Variants in INTS11 observed in about 807,000 individuals in gnomAD.
The protein encoded by INTS11 is integrator complex subunit 11.
In INTS11, 77 loss-of-function variants were observed where a neutral mutation model predicts 78.6. That is an observed-to-expected ratio of 0.98 (90% confidence interval 0.81 to 1.18). The LOEUF (loss-of-function observed/expected upper bound fraction) is 1.18, where lower values mean the gene tolerates loss of function less well. Among genes scored for constraint, INTS11 ranks in the 50% most tolerant of loss-of-function variants. The probability of loss-of-function intolerance (pLI) is 0.00; values close to 1 mark genes in which losing one functional copy is unlikely to be tolerated. For missense variants in INTS11, 875 were observed against 825.9 expected, an observed-to-expected ratio of 1.06 and a Z score of -0.73; for synonymous variants, 441 against 326.9, an observed-to-expected ratio of 1.35 and a Z score of -3.77.
rs766829641 is a variant in INTS11 at position 1,314,911 on chromosome 1, C to G, written c.615G>C (p.Thr205=). Reference sequence around the variant, plus strand: ...TGGAGTCACGGATGGTCGTGGCGTACGTGGACTCTGTGATGAGCAGGTTGG... The same window carrying G: ...TGGAGTCACGGATGGTCGTGGCGTAGGTGGACTCTGTGATGAGCAGGTTGG... The part of the protein sequence containing the change: ...CRPNLLITES[T]YATTIRDSKR... The change falls in exon 7 of 17, where the codon ACG becomes ACC. Residue 205 remains threonine, a synonymous_variant. Coordinates refer to ENST00000435064, the MANE Select transcript of INTS11 (RefSeq NM_017871.6). The surrounding 1 kb of genome is among the most constrained non-coding windows in gnomAD (Gnocchi z 4.2). 10 of 1,612,984 alleles carry G rather than the reference C, an allele frequency of 6.2e-6. No homozygotes were observed. The East Asian group carries it at 2.0e-4, about 32-fold the overall frequency.
chr1:1,317,850 T>C (rs1642709544), intron 4 of INTS11: 1 of 152,204 alleles, frequency 6.6e-6, no homozygotes, highest in Non-Finnish European at 1.5e-5. Flanking sequence ...GTAAATCCAT[T>C]TGCAGGCAAA....
chr1:1,324,554 A>T, intron 1 of INTS11, 27 bp downstream of exon 1: 2 of 1,589,276 alleles, frequency 1.3e-6, no homozygotes, highest in Non-Finnish European at 1.7e-6. Context: ...AGCCCACCCC[A>T]CAGCCCTCCC....
At chr1:1,323,964 T>G (rs1218604726) in intron 1 of INTS11, among the ~76,000 whole-genome samples, 3 of 1,614 alleles carry the variant, frequency 1.9e-3, no homozygotes, top group African/African-American at 6.5e-3. Context: ...GGGGGTCTGC[T>G]GGGCTGAGGG....
chr1:1,314,005 C>G lies in INTS11; in HGVS notation c.768-84G>C. On this transcript the variant is annotated intron_variant, in intron 8 of 16. Transcript: ENST00000435064. This position sits in a 1 kb window ranked among gnomAD's most constrained non-coding sequence, Gnocchi z 4.2. ...ACTCGGCCGGGTCACCCCCAACACC[C>G]GTGTCTGCACAGCCCACGCACGGGC... 2 of 1,389,332 alleles carry G rather than the reference C, an allele frequency of 1.4e-6. No individual in the cohort carries two copies. The allele number at this position is 1,389,332 out of a possible 1,614,324, so 86.1% of individuals were successfully genotyped here.
intron 10 of INTS11, 149 bp downstream of exon 10, chr1:1,313,360 G>C (rs1390946886): frequency 1.0e-6 from 1 of 954,898 alleles, no homozygotes; most frequent in South Asian, 1.5e-5. Flanking sequence ...AGCAGCTCCA[G>C]GCGGACATCG....
intron 1 of INTS11, chr1:1,321,926 C>T (rs997549280): frequency 7.6e-6 from 10 of 1,311,424 alleles, no homozygotes; most frequent in Middle Eastern, 2.0e-4. Flanking sequence ...GCCAGCCACT[C>T]GAAGTGTCCA....
Position 1,313,816 on chromosome 1 carries a change from G to T in INTS11, c.873C>A (p.Arg291=), listed in dbSNP as rs772387554. ...LFIPWTNQKI[R]KTFVQRNMFE... is the part of the protein sequence containing the mutation. ...ACATGTTCCTCTGCACGAAAGTCTTGCGGATCTTCTGGTTGGTCCAGGGGA... is the reference window on the plus strand; with the variant it reads ...ACATGTTCCTCTGCACGAAAGTCTTTCGGATCTTCTGGTTGGTCCAGGGGA... Residue 291 remains arginine (R), a synonymous_variant, in exon 9 of 17, where the codon CGC becomes CGA. Coordinates refer to ENST00000435064, the MANE Select transcript of INTS11 (RefSeq NM_017871.6). 37 of 1,613,410 alleles carry T rather than the reference G, an allele frequency of 2.3e-5. No homozygotes were observed. The highest frequency in any genetic ancestry group is 2.9e-5 in the Non-Finnish European group (34 of 1,179,986).
intron 4 of INTS11, chr1:1,317,418 GAATT>G (rs1642684425): frequency 3.9e-6 from 3 of 774,508 alleles, no homozygotes; most frequent in Non-Finnish European, 4.7e-6. Flanking sequence ...AAAAAAAAAA[GAATT>G]CAACAGATGA....
In INTS11 at chr1:1,311,841, C is replaced by G. The variant is rs1557626895; in HGVS notation, c.*18G>C. 3.9e-6 allele frequency: 6 copies of G among 1,539,436 alleles called. No homozygotes were observed. Among genetic ancestry groups the G allele is most frequent in the Non-Finnish European group, 5.2e-6 (6 of 1,142,940 alleles). On this transcript the variant is annotated 3_prime_UTR_variant, in exon 17 of 17. Transcript: ENST00000435064. ...AGCTGGGAGAGGGCAGAGGTGGCGG[C>G]TGGGTGAGTTGCCGGCCTCAGCTGG... is the stretch of plus-strand genomic sequence containing the variant.
rs1642453305 is a variant in INTS11, at chr1:1,314,516, C to CAGAGACAGAAGGGAGCCGTATG, written c.703-173_703-152dup. The CAGAGACAGAAGGGAGCCGTATG allele has an allele frequency of 4.2e-6, 3 of 708,570 alleles. No individual in the cohort carries two copies. Among genetic ancestry groups the CAGAGACAGAAGGGAGCCGTATG allele is most frequent in the African/African-American group, 3.6e-5 (2 of 55,636 alleles). The allele number at this position is 708,570 out of a possible 1,614,324, so 43.9% of individuals were successfully genotyped here. ...TCCCAGTCCCGTCCCAGCCGCTCTCCAGAGACAGAAGGGAGCCGTATGAGA... is the reference window on the plus strand; with the variant it reads ...TCCCAGTCCCGTCCCAGCCGCTCTCCAGAGACAGAAGGGAGCCGTATGAGAGACAGAAGGGAGCCGTATGAGA... On this transcript the variant is annotated intron_variant, in intron 7 of 16. Transcript: ENST00000435064. The surrounding 1 kb of genome is among the most constrained non-coding windows in gnomAD (Gnocchi z 4.2).
Position 1,314,843 on chromosome 1 carries a change from G to T in INTS11, c.683C>A (p.Thr228Asn), listed in dbSNP as rs150689780. 6.2e-7 allele frequency: 1 copy of T among 1,612,412 alleles called. No individual in the cohort carries two copies. The highest frequency in any genetic ancestry group is 8.5e-7 in the Non-Finnish European group (1 of 1,179,618). ...ERDFLKKVHETVERGGKVLIP... is the reference protein window; with the variant it reads ...ERDFLKKVHENVERGGKVLIP... The stretch of plus-strand genomic sequence containing the variant: ...AGCTACCTTCCCACCACGCTCCACG[G>T]TCTCGTGGACTTTCTTCAGGAAGTC... Residue 228 changes from threonine (T) to asparagine (N), a missense_variant, in exon 7 of 17, where the codon ACC (threonine) becomes AAC (asparagine). Coordinates refer to ENST00000435064, the MANE Select transcript of INTS11 (RefSeq NM_017871.6). The surrounding 1 kb of genome is among the most constrained non-coding windows in gnomAD (Gnocchi z 4.2).
At chr1:1,315,105 G>A (rs916986813) in intron 6 of INTS11, 143 bp from the exon 7 acceptor site, 6 of 1,059,924 alleles carry the variant, frequency 5.7e-6, no homozygotes, top group Non-Finnish European at 8.1e-6. Context: ...GTAAAATGCT[G>A]TGGGCAGCAC....
At chr1:1,320,165 C>T (rs1165779668) in intron 3 of INTS11, 2 of 394,412 alleles carry the variant, frequency 5.1e-6, no homozygotes, top group African/African-American at 2.1e-5. Context: ...GAATCGCCAA[C>T]AAGACAGTGG....
In INTS11 at chr1:1,311,614, T is replaced by C. The variant is rs1334525582; in HGVS notation, c.*245A>G. 1.4e-6 allele frequency: 1 copy of C among 715,396 alleles called. No individual in the cohort carries two copies. The highest frequency in any genetic ancestry group is 1.5e-5 in the South Asian group (1 of 67,024). 44.3% of individuals were successfully genotyped at this position (715,396 alleles called of 1,614,324 possible). On this transcript the variant is annotated 3_prime_UTR_variant, in exon 17 of 17. Coordinates refer to ENST00000435064, the MANE Select transcript of INTS11 (RefSeq NM_017871.6). ...GTACCAAGTAGTCTTTTGTTCAGCT[T>C]TTACTGGAAACTGCTGTCTAGGACC...
In INTS11 at chr1:1,314,049, G is replaced by C; in HGVS notation, c.768-128C>G. The C allele has an allele frequency of 8.2e-6, 8 of 971,276 alleles. No individual in the cohort carries two copies. The highest frequency in any genetic ancestry group is 1.6e-5 in the South Asian group (1 of 64,492). 60.2% of individuals were successfully genotyped at this position (971,276 alleles called of 1,614,324 possible). ...CACGGGCCAGGTTGAGTCCAGTCGCGACCACTTGTCCCATTAAGCCCTGCA... is the reference window on the plus strand; with the variant it reads ...CACGGGCCAGGTTGAGTCCAGTCGCCACCACTTGTCCCATTAAGCCCTGCA... On this transcript the variant is annotated intron_variant, in intron 8 of 16. Coordinates refer to ENST00000435064, the MANE Select transcript of INTS11 (RefSeq NM_017871.6). The surrounding 1 kb of genome is among the most constrained non-coding windows in gnomAD (Gnocchi z 4.2).
At position 1,318,849 on chromosome 1, in the gene INTS11, G is replaced by A. The variant is rs138564987; in HGVS notation, c.429+447C>T. On this transcript the variant is annotated intron_variant, in intron 4 of 16. Transcript: ENST00000435064. ...AGAAATGGAATTTCACCTGTCACTC[G>A]CTGATTTAACCTTCACTTCTTCCCT... The A allele has an allele frequency of 8.2e-4, 507 of 622,046 alleles. 1 individual carries two copies. The highest frequency in any genetic ancestry group is 8.1e-3 in the African/African-American group (441 of 54,570). The allele number at this position is 622,046 out of a possible 1,614,324, so 38.5% of individuals were successfully genotyped here. A position where few individuals can be genotyped will look rare whatever the true frequency, so the allele number is the denominator to read the frequency against.
In INTS11 at chr1:1,311,914, A is replaced by G; in HGVS notation, c.1748T>C (p.Leu583Pro). ...CAGCAGAGATGTGAGGAAGCTCCCC[A>G]GCTCCTCGTCCTAGGGCAGAGGCAA... is the stretch of plus-strand genomic sequence containing the variant. The part of the protein sequence containing the change: ...LVSWTYQDEE[L>P]GSFLTSLLKK... Residue 583 changes from leucine to proline, a missense_variant, in exon 17 of 17, where the codon CTG becomes CCG. Transcript: ENST00000435064. 6.3e-7 allele frequency: 1 copy of G among 1,576,254 alleles called. No individual in the cohort carries two copies. The highest frequency in any genetic ancestry group is 8.6e-7 in the Non-Finnish European group (1 of 1,159,804).
rs1183887302 is a variant in INTS11 at position 1,323,080 on chromosome 1, T to C, written c.28+1501A>G. ...GAGCAGGGGAGGGCAGTGGGGCCCA[T>C]GCAAACAGCTGCAAAATGCCATGGG... On this transcript the variant is annotated intron_variant, in intron 1 of 16. Transcript: ENST00000435064. The C allele has an allele frequency of 3.4e-6, 5 of 1,488,718 alleles. No homozygotes were observed. In the African/African-American group the frequency reaches 4.2e-5, roughly 12 times the overall value. The allele number at this position is 1,488,718 out of a possible 1,614,324, so 92.2% of individuals were successfully genotyped here. A position where few individuals can be genotyped will look rare whatever the true frequency, so the allele number is the denominator to read the frequency against.
rs766291438 is a variant in INTS11, at chr1:1,312,352, G to A, written c.1481C>T (p.Ser494Phe). 11 of 1,563,896 alleles carry A rather than the reference G, an allele frequency of 7.0e-6. No individual in the cohort carries two copies. Among genetic ancestry groups the A allele is most frequent in the African/African-American group, 5.4e-5 (4 of 73,890 alleles). Residue 494 changes from serine (S) to phenylalanine (F), a missense_variant, in exon 15 of 17, where the codon TCC becomes TTC. Ser to Phe is a radical substitution (Grantham distance 155, BLOSUM62 -2). Coordinates refer to ENST00000435064, the MANE Select transcript of INTS11 (RefSeq NM_017871.6). ...CAGCTCTTTGAGGGCTTGCTCTGAG[G>A]ACACCAGCCGGAAGTTCTGTGGGGC... ...IMKDSNFRLV[S>F]SEQALKELGL... is the part of the protein sequence containing the mutation.
Sources: allele counts gnomAD v4.1 joint callset (sites outside exome capture counted in the v4.1 genomes callset), GRCh38; gene constraint gnomAD v4.1.1; non-coding constraint Gnocchi (gnomAD v3.1); transcripts MANE v1.5; gene names NCBI Gene and HGNC (gene_info 2026-07-23, HGNC 2026-07-21).